The following SHPRH variants were observed in gnomAD, a reference collection of about 807,000 sequenced individuals.
SHPRH encodes the protein E3 ubiquitin-protein ligase SHPRH.
A neutral mutation model predicts 202.5 loss-of-function variants in SHPRH; 106 were observed. The observed-to-expected ratio is 0.52, with a 90% CI of 0.45 to 0.62. The LOEUF (loss-of-function observed/expected upper bound fraction) is 0.62, where lower values mean the gene tolerates loss of function less well. Ranked by LOEUF, SHPRH falls within the 20% of genes least tolerant of loss-of-function variation. The pLI is 0.00. For synonymous variants in SHPRH, 729 were observed against 686.0 expected (o/e 1.06, Z -0.98); for missense variants, 1,710 against 2,020.0 (o/e 0.85, Z 2.94).
In SHPRH at chr6:145,926,316, A is replaced by T; in HGVS notation, c.3202-20T>A. On this transcript the variant is annotated intron_variant, in intron 15 of 29. Transcript: ENST00000275233. ...AAGTCTCTACAAACATATCAAAGGC[A>T]GTAATTATGACAGTCAATGCAGAAG... is the stretch of plus-strand genomic sequence containing the variant. The T allele has an allele frequency of 6.2e-7, 1 of 1,603,982 alleles. No individual in the cohort carries two copies. Among genetic ancestry groups the T allele is most frequent in the Non-Finnish European group, 8.5e-7 (1 of 1,171,572 alleles).
chr6:145,894,338 A>G, intron 26 of SHPRH, 102 bp from the exon 27 acceptor site: 1 of 822,986 alleles, frequency 1.2e-6, no homozygotes, highest in Non-Finnish European at 1.7e-6. Flanking sequence ...TACTGGAGTT[A>G]AGAAAATAAA....
chr6:145,910,601 A>G lies in SHPRH; in HGVS notation c.4362T>C (p.Asn1454=). 1 of 1,613,088 alleles carries G rather than the reference A, an allele frequency of 6.2e-7. No homozygotes were observed. Among genetic ancestry groups the G allele is most frequent in the Non-Finnish European group, 8.5e-7 (1 of 1,179,448 alleles). ...AVLTCGHCFC[N]ECISIIIEQY... ...GTTCAATAATTATAGAAATGCATTC[A>G]TTACAGAAACAGTGACCACAGGTCA... The change falls in exon 25 of 30, where the codon AAT becomes AAC. Residue 1454 remains asparagine, a synonymous_variant. Transcript: ENST00000275233.
chr6:145,937,129 G>A (rs1182268404), intron 11 of SHPRH, among the ~76,000 whole-genome samples: 2 of 151,752 alleles, frequency 1.3e-5, no homozygotes, highest in Admixed American at 6.6e-5. Flanking sequence ...GATTACAGGC[G>A]TCTGCCACCA....
chr6:145,879,713 C>A (rs1001027426), intron 2 of SHPRH, among the ~76,000 whole-genome samples: 1 of 151,874 alleles, frequency 6.6e-6, no homozygotes, highest in Non-Finnish European at 1.5e-5. Flanking sequence ...GAGTTCGAGA[C>A]CAGCCTGGCC....
At chr6:145,903,417 T>C (rs760189015) in intron 25 of SHPRH, 3 of 109,488 alleles carry the variant, frequency 2.7e-5, no homozygotes, top group Non-Finnish European at 6.2e-5. Context: ...TGAGTTGGAA[T>C]GTAGAGATAC....
chr6:145,902,107 G>A (rs1426183829), intron 25 of SHPRH, among the ~76,000 whole-genome samples: 4 of 152,070 alleles, frequency 2.6e-5, no homozygotes, highest in African/African-American at 4.8e-5. Context: ...TAAAAATAAA[G>A]AAGTGAAGTA....
intron 25 of SHPRH, among the ~76,000 whole-genome samples, chr6:145,898,689 GCT>G (rs1208245128): frequency 6.6e-6 from 1 of 151,900 alleles, no homozygotes; most frequent in African/African-American, 2.4e-5. Flanking sequence ...CCTTTTTGTT[GCT>G]CTCTCTTTGT....
At chr6:145,913,359 G>T in intron 24 of SHPRH, 119 bp downstream of exon 24, 1 of 845,510 alleles carries the variant, frequency 1.2e-6, no homozygotes, top group Non-Finnish European at 1.9e-6. Flanking sequence ...TAAGATAATG[G>T]TAATACTTGC....
intron 2 of SHPRH, among the ~76,000 whole-genome samples, chr6:145,875,048 C>T (rs1344622848): frequency 6.6e-6 from 1 of 152,078 alleles, no homozygotes; most frequent in Non-Finnish European, 1.5e-5. Flanking sequence ...ATATAAGTCT[C>T]AAGGGAAATG....
downstream of SHPRH, chr6:145,864,207 T>C: frequency 5.0e-6 from 1 of 198,794 alleles, no homozygotes; most frequent in Non-Finnish European, 1.1e-5. Flanking sequence ...CATTTCTTTA[T>C]TCTTCATGTT....
At chr6:145,907,980 C>T (rs1783126824) in intron 25 of SHPRH, 1 of 152,084 alleles carries the variant, frequency 6.6e-6, no homozygotes, top group African/African-American at 2.4e-5. Context: ...CATGTGTTCT[C>T]AGTGTTCAAC....
Position 145,945,651 on chromosome 6 carries a change from G to A in SHPRH, c.1322-14C>T. ...TCACACGTGTAGCTAAATGTAAAAG[G>A]ATATGCTAAATCAGTCAAAATAATT... On this transcript the variant is annotated splice_polypyrimidine_tract_variant and intron_variant, in intron 7 of 29. Transcript: ENST00000275233. 1 of 1,586,884 alleles carries A rather than the reference G, an allele frequency of 6.3e-7. No homozygotes were observed. The highest frequency in any genetic ancestry group is 1.2e-5 in the South Asian group (1 of 86,904).
chr6:145,910,685 A>G, intron 24 of SHPRH, 49 bp from the exon 25 acceptor site: 1 of 1,436,848 alleles, frequency 7.0e-7, no homozygotes, highest in South Asian at 1.7e-5. Flanking sequence ...ATGCCTTACA[A>G]TTTATAAGCA....
the SHPRH span, among the ~76,000 whole-genome samples, chr6:145,858,767 T>C: frequency 7.1e-4 from 108 of 152,184 alleles, no homozygotes; most frequent in Middle Eastern, 3.4e-3. Flanking sequence ...TGAGCCTTTC[T>C]TCCTCTTCAA....
intron 25 of SHPRH, among the ~76,000 whole-genome samples, chr6:145,895,191 T>C (rs1190264180): frequency 6.6e-6 from 1 of 152,074 alleles, no homozygotes; most frequent in Admixed American, 6.6e-5. Flanking sequence ...ACCCAGACAT[T>C]TGAATGTAAA....
At chr6:145,897,386 T>G (rs535213812) in intron 25 of SHPRH, among the ~76,000 whole-genome samples, 1 of 151,942 alleles carries the variant, frequency 6.6e-6, no homozygotes, top group Admixed American at 6.6e-5. Context: ...CAAGATTGAG[T>G]CAGTAATAAA....
chr6:145,881,746 C>T (rs1780584554), downstream of SHPRH: 1 of 151,368 alleles, frequency 6.6e-6, no homozygotes, highest in African/African-American at 2.4e-5. Flanking sequence ...CCTACACATA[C>T]AGTTTCAAAA....
intron 2 of SHPRH, among the ~76,000 whole-genome samples, chr6:145,868,179 C>T (rs1166978227): frequency 1.3e-5 from 2 of 152,154 alleles, no homozygotes; most frequent in East Asian, 3.9e-4. Flanking sequence ...TCCAAAGCTC[C>T]TCTTCTTGTA....
At chr6:145,930,923 C>T (rs1017837884) in intron 14 of SHPRH, among the ~76,000 whole-genome samples, 2 of 151,878 alleles carry the variant, frequency 1.3e-5, no homozygotes, top group Non-Finnish European at 2.9e-5. Flanking sequence ...GAATTTTTTT[C>T]TCTAGTGATA....
Sources: allele counts gnomAD v4.1 joint callset (sites outside exome capture counted in the v4.1 genomes callset), GRCh38; gene constraint gnomAD v4.1.1; transcripts MANE v1.5; gene names NCBI Gene and HGNC (gene_info 2026-07-23, HGNC 2026-07-21).